Variants in AGBL1 observed in about 807,000 individuals in gnomAD.
AGBL1 encodes AGBL carboxypeptidase 1.
Under a neutral mutation model 118.9 loss-of-function variants are expected in AGBL1, and 130 were observed. That is an observed-to-expected ratio of 1.09 (90% CI 0.95 to 1.26). AGBL1 has a LOEUF of 1.26. AGBL1 is among the 50% of genes most tolerant of loss of function. The pLI, the probability that AGBL1 is intolerant of heterozygous loss-of-function variation, is 0.00. For synonymous variants in AGBL1, 555 were observed against 478.9 expected, an observed-to-expected ratio of 1.16 and a Z score of -2.08; for missense variants, 1,584 against 1,298.1, an observed-to-expected ratio of 1.22 and a Z score of -3.38.
intron 22 of AGBL1, among the ~76,000 whole-genome samples, chr15:86,788,233 C>A (rs1218676059): frequency 6.6e-6 from 1 of 152,124 alleles, no homozygotes; most frequent in Non-Finnish European, 1.5e-5. Flanking sequence ...CTTGAGCAGA[C>A]CTATTACCAC....
chr15:86,390,726 G>A (rs1248976795), intron 17 of AGBL1, among the ~76,000 whole-genome samples: 1 of 136,600 alleles, frequency 7.3e-6, no homozygotes, highest in Non-Finnish European at 1.5e-5. Flanking sequence ...CTGGAGTGCA[G>A]TGGTGTGATC....
chr15:86,794,668 A>C (rs928876715), intron 22 of AGBL1, among the ~76,000 whole-genome samples: 3 of 152,060 alleles, frequency 2.0e-5, no homozygotes, highest in Non-Finnish European at 4.4e-5. Context: ...TCTCATGTTT[A>C]CTGCTTCTAT....
At chr15:86,873,550 C>G (rs1402241729) in intron 22 of AGBL1, among the ~76,000 whole-genome samples, 2 of 152,084 alleles carry the variant, frequency 1.3e-5, no homozygotes, top group East Asian at 1.9e-4. Flanking sequence ...GAGGTAGAAC[C>G]TTTGGGGAGT....
chr15:86,362,394 T>C (rs2080818049), intron 17 of AGBL1, among the ~76,000 whole-genome samples: 1 of 152,192 alleles, frequency 6.6e-6, no homozygotes, highest in Non-Finnish European at 1.5e-5. Flanking sequence ...ACCAGTGAGT[T>C]TTATACTTGC....
chr15:86,609,465 A>G (rs2084628238), intron 21 of AGBL1, among the ~76,000 whole-genome samples: 1 of 152,154 alleles, frequency 6.6e-6, no homozygotes, highest in Admixed American at 6.6e-5. Flanking sequence ...CTATATCAGT[A>G]GCTGTGGTAG....
chr15:86,662,351 T>C (rs917154718), intron 21 of AGBL1, among the ~76,000 whole-genome samples: 1 of 152,264 alleles, frequency 6.6e-6, no homozygotes, highest in Non-Finnish European at 1.5e-5. Flanking sequence ...TTAATCTTTA[T>C]AGAAGCACTT....
Position 86,738,974 on chromosome 15 carries a change from A to G in AGBL1, c.3158+64538A>G, listed in dbSNP as rs558979012. On this transcript the variant is annotated intron_variant, in intron 22 of 22. Transcript: ENST00000614907. ...GAAACAAAATGAGACCTCATCTCTA[A>G]AAAAAAAATAAAAATAAAAAAATTA... Among the ~76,000 whole-genome samples the G allele has an allele frequency of 8.6e-5, 13 of 150,958 alleles. No individual in the cohort carries two copies. The East Asian group carries it at 2.3e-3, about 27-fold the overall frequency.
chr15:86,639,880 T>C (rs950864094), intron 21 of AGBL1, among the ~76,000 whole-genome samples: 5 of 152,194 alleles, frequency 3.3e-5, no homozygotes, highest in African/African-American at 1.2e-4. Context: ...TTTATCTCTA[T>C]AACCAGGCTG....
intron 23 of AGBL1, among the ~76,000 whole-genome samples, chr15:86,964,756 A>G (rs577211786): frequency 1.3e-5 from 2 of 151,640 alleles, no homozygotes; most frequent in East Asian, 3.9e-4. Flanking sequence ...TCATCTAGGT[A>G]TTTCTCCTAA....
chr15:86,211,593 A>T (rs542619641), intron 5 of AGBL1, among the ~76,000 whole-genome samples: 1 of 152,304 alleles, frequency 6.6e-6, no homozygotes, highest in East Asian at 1.9e-4. Flanking sequence ...GGTCGATCTC[A>T]GACTGCTGTG....
At chr15:86,897,111 A>G (rs2080140332) in intron 22 of AGBL1, among the ~76,000 whole-genome samples, 1 of 152,228 alleles carries the variant, frequency 6.6e-6, no homozygotes, top group African/African-American at 2.4e-5. Flanking sequence ...CTGACTCCAC[A>G]GTAGAGAACA....
intron 17 of AGBL1, among the ~76,000 whole-genome samples, chr15:86,361,809 C>T (rs1369308107): frequency 6.6e-6 from 1 of 151,998 alleles, no homozygotes; most frequent in East Asian, 1.9e-4. Context: ...TTTTTCTACC[C>T]CTTAACTTTT....
chr15:86,717,589 G>T (rs1221866037), intron 22 of AGBL1, among the ~76,000 whole-genome samples: 2 of 152,066 alleles, frequency 1.3e-5, no homozygotes, highest in African/African-American at 2.4e-5. Context: ...TTCACTGATT[G>T]GCCAGTTGCC....
chr15:86,706,533 A>G (rs2142666738), intron 22 of AGBL1, among the ~76,000 whole-genome samples: 1 of 152,226 alleles, frequency 6.6e-6, no homozygotes, highest in Non-Finnish European at 1.5e-5. Flanking sequence ...ATTCTTCAGG[A>G]AAGATTTAAG....
intron 1 of AGBL1, among the ~76,000 whole-genome samples, chr15:86,111,367 C>T (rs989649820): frequency 4.6e-5 from 7 of 152,264 alleles, no homozygotes; most frequent in Non-Finnish European, 7.3e-5. Flanking sequence ...GTGTCTGTTA[C>T]GTAGAATAAA....
intron 10 of AGBL1, 147 bp from the exon 11 acceptor site, chr15:86,264,111 G>T (rs1334861668): frequency 7.4e-6 from 5 of 677,192 alleles, no homozygotes; most frequent in Middle Eastern, 7.8e-4. Flanking sequence ...ACTCTTGAAG[G>T]TTAGTCTTTA....
intron 23 of AGBL1, among the ~76,000 whole-genome samples, chr15:86,921,382 G>A (rs1408633522): frequency 6.6e-6 from 1 of 152,036 alleles, no homozygotes; most frequent in Non-Finnish European, 1.5e-5. Flanking sequence ...CCATTTGGTC[G>A]GGGTCCAAGT....
chr15:86,773,631 A>C (rs1332665593), intron 22 of AGBL1, among the ~76,000 whole-genome samples: 2 of 150,902 alleles, frequency 1.3e-5, no homozygotes, highest in African/African-American at 4.9e-5. Flanking sequence ...ATGTACCCTA[A>C]AACTTAAAGT....
intron 21 of AGBL1, among the ~76,000 whole-genome samples, chr15:86,637,352 G>T (rs994660325): frequency 6.6e-6 from 1 of 152,114 alleles, no homozygotes; most frequent in East Asian, 1.9e-4. Context: ...GGAGGATAAC[G>T]TGGATTGTTT....
Sources: allele counts gnomAD v4.1 joint callset (sites outside exome capture counted in the v4.1 genomes callset), GRCh38; gene constraint gnomAD v4.1.1; transcripts MANE v1.5; gene names NCBI Gene and HGNC (gene_info 2026-07-23, HGNC 2026-07-21).